SLCO6A1: variants seen among roughly 807,000 people sequenced by gnomAD.
SLCO6A1 encodes cancer/testis antigen 48.
Under a neutral mutation model 72.7 loss-of-function variants are expected in SLCO6A1, and 65 were observed. The observed-to-expected ratio is 0.89, with a 90% confidence interval of 0.73 to 1.10. The LOEUF is 1.10. SLCO6A1 is among the 50% of genes least tolerant of loss of function. The probability of loss-of-function intolerance (pLI) is 0.00; values close to 1 mark genes in which losing one functional copy is unlikely to be tolerated. For synonymous variants in SLCO6A1, 314 were observed against 298.2 expected, an observed-to-expected ratio of 1.05 and a Z score of -0.55; for missense variants, 874 against 872.6, an observed-to-expected ratio of 1.00 and a Z score of -0.02.
chr5:102,489,887 T>C (rs1310380997), intron 1 of SLCO6A1, among the ~76,000 whole-genome samples: 1 of 152,220 alleles, frequency 6.6e-6, no homozygotes, highest in East Asian at 1.9e-4. Context: ...ATGTGGTATA[T>C]ATACATAATG....
rs755287418 is a variant in SLCO6A1, at chr5:102,485,197, GC to G, written c.359-4764del. Among the ~76,000 whole-genome samples the G allele has an allele frequency of 1.2e-4, 19 of 152,096 alleles. No individual in the cohort carries two copies. In the East Asian group the frequency reaches 2.3e-3, roughly 19 times the overall value. ...ACCTGGGAGGCGGAGGTTGTGGTGAGCTGAGATTGCACCATTGCATTCCAGT... is the reference window on the plus strand; with the variant it reads ...ACCTGGGAGGCGGAGGTTGTGGTGAGTGAGATTGCACCATTGCATTCCAGT... On this transcript the variant is annotated intron_variant, in intron 1 of 13. Coordinates refer to ENST00000506729, the MANE Select transcript of SLCO6A1 (RefSeq NM_173488.5).
chr5:102,459,089 T>G (rs1750889374), intron 5 of SLCO6A1, among the ~76,000 whole-genome samples: 4 of 152,078 alleles, frequency 2.6e-5, no homozygotes, highest in African/African-American at 9.7e-5. Flanking sequence ...AAGGAAATAA[T>G]GAGAAACAAA....
chr5:102,485,989 A>G (rs1050246728), intron 1 of SLCO6A1, among the ~76,000 whole-genome samples: 1 of 152,210 alleles, frequency 6.6e-6, no homozygotes, highest in Non-Finnish European at 1.5e-5. Flanking sequence ...GTTCTCAATT[A>G]TATTTTCATA....
At chr5:102,451,355 G>A (rs1750407772) in intron 6 of SLCO6A1, among the ~76,000 whole-genome samples, 1 of 152,184 alleles carries the variant, frequency 6.6e-6, no homozygotes, top group African/African-American at 2.4e-5. Flanking sequence ...AGGTGTAGTG[G>A]AGGCTAGGCC....
chr5:102,420,411 C>G (rs1165791695), intron 7 of SLCO6A1, among the ~76,000 whole-genome samples: 1 of 152,138 alleles, frequency 6.6e-6, no homozygotes, highest in East Asian at 1.9e-4. Flanking sequence ...GACAAAAGTT[C>G]ACAGAGATTT....
intron 7 of SLCO6A1, among the ~76,000 whole-genome samples, chr5:102,424,958 G>C (rs7734988): frequency 0.29 from 43,336 of 151,948 alleles, 6,416 homozygotes; most frequent in South Asian, 0.35. Context: ...TGCAAGGCTG[G>C]TTCAACATAC....
Position 102,373,366 on chromosome 5 carries a change from C to T in SLCO6A1, c.2146G>A (p.Glu716Lys). 1.3e-6 allele frequency: 2 copies of T among 1,562,402 alleles called. No homozygotes were observed. Among genetic ancestry groups the T allele is most frequent in the Non-Finnish European group, 1.7e-6 (2 of 1,159,128 alleles). Residue 716 changes from glutamate to lysine, a missense_variant, in exon 13 of 14, where the codon GAA becomes AAA. Physicochemically the swap from Glu to Lys is moderately conservative, Grantham distance 56. Transcript: ENST00000506729. ...TGATGATCCAGTTACAAGTCAGTTT[C>T]TTCTTTTTTCTTAACTTTTGGATTC... is the stretch of plus-strand genomic sequence containing the variant. The part of the protein sequence containing the change: ...VKNPKVKKKE[E>K]TDL
At chr5:102,451,314 A>G (rs1484596569) in intron 6 of SLCO6A1, among the ~76,000 whole-genome samples, 1 of 152,116 alleles carries the variant, frequency 6.6e-6, no homozygotes, top group Non-Finnish European at 1.5e-5. Context: ...TGGCTGTGCT[A>G]GCATCCCATG....
rs183926262 is a variant in SLCO6A1, at chr5:102,492,772, C to T, written c.358+5715G>A. 3.0e-3 allele frequency among the ~76,000 whole-genome samples: 453 copies of T among 152,284 alleles called. 4 individuals carry two copies. Among genetic ancestry groups the T allele is most frequent in the Middle Eastern group, 0.01 (3 of 294 alleles). On this transcript the variant is annotated intron_variant, in intron 1 of 13. Transcript: ENST00000506729. ...CCTGGCTCAGAGGGTCCCATGCCCA[C>T]GAAGCCTCACTCATTGCTAGCACAG...
At chr5:102,402,469 CTAA>C (rs1419080745) in intron 9 of SLCO6A1, among the ~76,000 whole-genome samples, 2 of 152,126 alleles carry the variant, frequency 1.3e-5, no homozygotes, top group Non-Finnish European at 2.9e-5. Flanking sequence ...TCTAAAAGTA[CTAA>C]TGAGTGTCTT....
At chr5:102,377,844 G>C (rs1745889485) in intron 12 of SLCO6A1, among the ~76,000 whole-genome samples, 1 of 150,444 alleles carries the variant, frequency 6.6e-6, no homozygotes, top group Non-Finnish European at 1.5e-5. Flanking sequence ...GCTAATTTTT[G>C]CATATTTTTT....
intron 10 of SLCO6A1, among the ~76,000 whole-genome samples, chr5:102,393,075 ATC>A (rs1032172304): frequency 5.3e-5 from 8 of 152,016 alleles, no homozygotes; most frequent in Admixed American, 2.0e-4. Flanking sequence ...TTTTTTTCAT[ATC>A]TCTTTTTTTA....
chr5:102,490,614 G>T (rs747848186), intron 1 of SLCO6A1, among the ~76,000 whole-genome samples: 4 of 152,122 alleles, frequency 2.6e-5, no homozygotes, highest in Non-Finnish European at 2.9e-5. Flanking sequence ...TCTGGAGTTT[G>T]TTTGTTCTGA....
chr5:102,436,476 C>T (rs1014829668), intron 7 of SLCO6A1, among the ~76,000 whole-genome samples: 18 of 152,178 alleles, frequency 1.2e-4, no homozygotes, highest in African/African-American at 4.3e-4. Flanking sequence ...AAAAGGGAAC[C>T]TAATGTCACT....
intron 12 of SLCO6A1, among the ~76,000 whole-genome samples, chr5:102,377,195 A>G (rs1745847875): frequency 6.6e-6 from 1 of 152,138 alleles, no homozygotes; most frequent in Non-Finnish European, 1.5e-5. Context: ...CCTCATTTAT[A>G]ATAACCAAAC....
intron 1 of SLCO6A1, among the ~76,000 whole-genome samples, chr5:102,496,209 G>A (rs755283101): frequency 1.3e-5 from 2 of 152,220 alleles, no homozygotes; most frequent in Non-Finnish European, 2.9e-5. Flanking sequence ...TAGGGAAAGA[G>A]AAGGCGAAGG....
chr5:102,455,770 T>C (rs1750676772), intron 6 of SLCO6A1, among the ~76,000 whole-genome samples: 1 of 152,210 alleles, frequency 6.6e-6, no homozygotes, highest in African/African-American at 2.4e-5. Flanking sequence ...AGTCAAGTTA[T>C]TGGCAAAGCC....
At chr5:102,454,762 ATT>A (rs1341843806) in intron 6 of SLCO6A1, among the ~76,000 whole-genome samples, 1 of 151,754 alleles carries the variant, frequency 6.6e-6, no homozygotes, top group Non-Finnish European at 1.5e-5. Flanking sequence ...TTGTGTCTTA[ATT>A]TTTAGCAATA....
chr5:102,475,703 G>A lies in SLCO6A1; in HGVS notation c.893C>T (p.Ala298Val). Residue 298 changes from alanine (A) to valine (V), a missense_variant, in exon 4 of 14, where the codon GCA (alanine) becomes GTA (valine). Physicochemically the swap from Ala to Val is moderately conservative, Grantham distance 64. Transcript: ENST00000506729. ...LVKVPENTTS[A>V]TNTTVNNGSP... Reference sequence around the variant, plus strand: ...AGAAAAAATAATGCCTTACTTTGTTGCAGAAGTAGTATTCTCAGGGACTTT... The same window carrying A: ...AGAAAAAATAATGCCTTACTTTGTTACAGAAGTAGTATTCTCAGGGACTTT... 6.3e-7 allele frequency: 1 copy of A among 1,591,870 alleles called. No individual in the cohort carries two copies. The highest frequency in any genetic ancestry group is 1.7e-4 in the Middle Eastern group (1 of 5,958).
Sources: allele counts gnomAD v4.1 joint callset (sites outside exome capture counted in the v4.1 genomes callset), GRCh38; gene constraint gnomAD v4.1.1; transcripts MANE v1.5; gene names NCBI Gene and HGNC (gene_info 2026-07-23, HGNC 2026-07-21).